Variants in FREM1 observed in about 807,000 individuals in gnomAD.
FREM1 encodes FRAS1-related extracellular matrix protein 1.
Under a neutral mutation model 210.1 loss-of-function variants are expected in FREM1, and 220 were observed. The observed-to-expected ratio is 1.05, with a 90% confidence interval of 0.94 to 1.17. The LOEUF is 1.17. Ranked by LOEUF, FREM1 falls within the 50% of genes most tolerant of loss-of-function variation. The pLI is 0.00. For synonymous variants in FREM1, 1,189 were observed against 980.2 expected (o/e 1.21, Z -3.98); for missense variants, 3,454 against 2,675.5 (o/e 1.29, Z -6.42).
At chr9:14,875,320 C>T (rs1254670179) in intron 1 of FREM1, among the ~76,000 whole-genome samples, 4 of 152,168 alleles carry the variant, frequency 2.6e-5, no homozygotes, top group Non-Finnish European at 4.4e-5. Flanking sequence ...ACCAATCAGA[C>T]GTAGATTTGG....
At chr9:14,847,534 G>A (rs1826917729) in intron 7 of FREM1, among the ~76,000 whole-genome samples, 1 of 152,080 alleles carries the variant, frequency 6.6e-6, no homozygotes, top group East Asian at 1.9e-4. Context: ...GAAGCCAGGA[G>A]TGCATAGGAC....
At chr9:14,778,259 A>G (rs1484173349) in intron 24 of FREM1, among the ~76,000 whole-genome samples, 1 of 152,010 alleles carries the variant, frequency 6.6e-6, no homozygotes, top group East Asian at 1.9e-4. Context: ...ATTTTTAACA[A>G]ATTGGGCAAT....
chr9:14,887,532 G>C (rs531696106), intron 1 of FREM1, among the ~76,000 whole-genome samples: 22 of 152,282 alleles, frequency 1.4e-4, no homozygotes, highest in African/African-American at 5.1e-4. Context: ...ACTGTACAAA[G>C]ATGGAAAGTC....
chr9:14,860,816 C>CGTATATAT (rs1488331325), intron 3 of FREM1, among the ~76,000 whole-genome samples: 1,493 of 70,948 alleles, frequency 0.021, 176 homozygotes, highest in East Asian at 0.11. Flanking sequence ...TACATATATA[C>CGTATATAT]ACATATATAC....
chr9:14,878,659 A>G (rs1306011041), intron 1 of FREM1, among the ~76,000 whole-genome samples: 1 of 152,222 alleles, frequency 6.6e-6, no homozygotes, highest in Non-Finnish European at 1.5e-5. Flanking sequence ...CCAACCTAAT[A>G]TTAGTCACTG....
intron 21 of FREM1, among the ~76,000 whole-genome samples, chr9:14,796,598 AG>A (rs749525870): frequency 1.3e-5 from 2 of 152,178 alleles, no homozygotes; most frequent in African/African-American, 2.4e-5. Flanking sequence ...GTGTTGTGGG[AG>A]GGACCAGGTA....
intron 10 of FREM1, among the ~76,000 whole-genome samples, chr9:14,840,336 T>C (rs1430547634): frequency 6.6e-6 from 1 of 152,220 alleles, no homozygotes; most frequent in Non-Finnish European, 1.5e-5. Context: ...ATTAGCCTGT[T>C]CTCACACTGC....
At chr9:14,788,563 T>C (rs1850769745) in intron 23 of FREM1, among the ~76,000 whole-genome samples, 1 of 152,248 alleles carries the variant, frequency 6.6e-6, no homozygotes, top group African/African-American at 2.4e-5. Context: ...TTTCCAGTGA[T>C]AGATCACTTC....
Position 14,784,527 on chromosome 9 carries a change from G to A in FREM1, c.4285C>T (p.Leu1429=), listed in dbSNP as rs745629483. The change falls in exon 24 of 37, where the codon CTG becomes TTG. Residue 1429 remains leucine (L), a synonymous_variant. Coordinates refer to ENST00000380880, the MANE Select transcript of FREM1 (RefSeq NM_001379081.2). ...GGAGGGGAGGTGATGACATAGAGCA[G>A]TTCCTCAGGCTTGTCTGTTCCGTCC... ...AVDGTDKPEE[L]LYVITSPPRY... is the part of the protein sequence containing the mutation. 1.2e-6 allele frequency: 2 copies of A among 1,613,808 alleles called. No homozygotes were observed. Among genetic ancestry groups the A allele is most frequent in the Admixed American group, 1.7e-5 (1 of 59,994 alleles).
At chr9:14,799,286 CAA>C (rs976865147) in intron 20 of FREM1, among the ~76,000 whole-genome samples, 8 of 125,622 alleles carry the variant, frequency 6.4e-5, no homozygotes, top group African/African-American at 3.0e-5. Context: ...ACCCTGTCTC[CAA>C]AAAAAAAAAA....
At chr9:14,791,403 T>C (rs1851290957) in intron 22 of FREM1, among the ~76,000 whole-genome samples, 1 of 152,204 alleles carries the variant, frequency 6.6e-6, no homozygotes, top group East Asian at 1.9e-4. Flanking sequence ...TTTGAGAACA[T>C]ATACAATTCC....
chr9:14,850,593 AG>A (rs1297562285), intron 6 of FREM1: 1 of 152,168 alleles, frequency 6.6e-6, no homozygotes, highest in Non-Finnish European at 1.5e-5. Flanking sequence ...AGAGAACATC[AG>A]AAAAAATAGC....
chr9:14,775,775 T>G lies in FREM1; in HGVS notation c.4857+14A>C, dbSNP rs768606057. Reference sequence around the variant, plus strand: ...TCACATCTCTGGCAAATGAACTGTGTTTTTCATACTTGCCTGAATGGTGAA... The same window carrying G: ...TCACATCTCTGGCAAATGAACTGTGGTTTTCATACTTGCCTGAATGGTGAA... On this transcript the variant is annotated intron_variant, in intron 25 of 36. Coordinates refer to ENST00000380880, the MANE Select transcript of FREM1 (RefSeq NM_001379081.2). 6.4e-7 allele frequency: 1 copy of G among 1,567,556 alleles called. No homozygotes were observed. Among genetic ancestry groups the G allele is most frequent in the Non-Finnish European group, 8.8e-7 (1 of 1,141,096 alleles).
intron 21 of FREM1, among the ~76,000 whole-genome samples, chr9:14,796,160 T>C (rs1218917433): frequency 2.0e-5 from 3 of 152,284 alleles, no homozygotes; most frequent in African/African-American, 7.2e-5. Flanking sequence ...CAGCAGGATA[T>C]GGGGCAGATA....
chr9:14,879,232 T>C (rs1051431747), intron 1 of FREM1, among the ~76,000 whole-genome samples: 2 of 151,470 alleles, frequency 1.3e-5, no homozygotes, highest in Admixed American at 6.6e-5. Context: ...GTGAATTCCG[T>C]TACTGAGAAT....
intron 10 of FREM1, among the ~76,000 whole-genome samples, chr9:14,830,320 T>G (rs368776374): frequency 6.6e-6 from 1 of 152,142 alleles, no homozygotes; most frequent in East Asian, 1.9e-4. Flanking sequence ...TGATTCCTTA[T>G]AAGTCTGTAG....
Position 14,860,604 on chromosome 9 carries a change from C to CAT in FREM1, c.330-1122_330-1121dup, listed in dbSNP as rs1438337232. ...ATACACATATATATACATATATACA[C>CAT]ATATATACACACATATATATACACA... On this transcript the variant is annotated intron_variant, in intron 3 of 36. Transcript: ENST00000380880. 7.2e-3 allele frequency among the ~76,000 whole-genome samples: 616 copies of CAT among 85,026 alleles called. 24 individuals are homozygous for CAT. The highest frequency in any genetic ancestry group is 0.032 in the East Asian group (58 of 1,824). The allele number at this position is 85,026 out of a possible 152,430, so 55.8% of individuals were successfully genotyped here. A position where few individuals can be genotyped will look rare whatever the true frequency, so the allele number is the denominator to read the frequency against.
intron 1 of FREM1, among the ~76,000 whole-genome samples, chr9:14,905,954 G>A (rs978524061): frequency 6.6e-6 from 1 of 152,130 alleles, no homozygotes; most frequent in African/African-American, 2.4e-5. Context: ...AGAGTTAAAG[G>A]CCACGGGAGT....
At chr9:14,781,082 C>T (rs575508264) in intron 24 of FREM1, among the ~76,000 whole-genome samples, 1 of 152,270 alleles carries the variant, frequency 6.6e-6, no homozygotes, top group African/African-American at 2.4e-5. Context: ...TGGAAAGAAC[C>T]TTCTACTGGA....
Sources: allele counts gnomAD v4.1 joint callset (sites outside exome capture counted in the v4.1 genomes callset), GRCh38; gene constraint gnomAD v4.1.1; transcripts MANE v1.5; gene names NCBI Gene and HGNC (gene_info 2026-07-23, HGNC 2026-07-21).